NDUFA2: variants seen among roughly 807,000 people sequenced by gnomAD.
NDUFA2 encodes NADH:ubiquinone oxidoreductase subunit A2.
In NDUFA2, 9 loss-of-function variants were observed where a neutral mutation model predicts 11.4. The ratio of observed to expected loss-of-function variants is 0.79; its 90% CI spans 0.48 to 1.38. The LOEUF is 1.38. Among genes scored for constraint, NDUFA2 ranks in the 40% most tolerant of loss-of-function variants. NDUFA2 has a pLI of 0.00. For missense variants in NDUFA2, 150 were observed against 131.2 expected (o/e 1.14, Z -0.70); for synonymous variants, 49 against 54.0 (o/e 0.91, Z 0.41).
Position 140,647,254 on chromosome 5 carries a change from A to G in NDUFA2, c.208+2T>C. The G allele has an allele frequency of 6.5e-7, 1 of 1,542,292 alleles. No homozygotes were observed. Among genetic ancestry groups the G allele is most frequent in the Non-Finnish European group, 8.7e-7 (1 of 1,144,758 alleles). Reference sequence around the variant, plus strand: ...CCCAGACCCCTGGCGTCCCGCACTCACCGTAGCGGGCCCAGAGCTTGGGCT... The same window carrying G: ...CCCAGACCCCTGGCGTCCCGCACTCGCCGTAGCGGGCCCAGAGCTTGGGCT... On this transcript the variant is annotated splice_donor_variant, in intron 2 of 2. Transcript: ENST00000252102. LOFTEE classifies it high-confidence loss of function.
At chr5:140,646,077 C>A (rs1317134288) in intron 2 of NDUFA2, among the ~76,000 whole-genome samples, 1 of 148,004 alleles carries the variant, frequency 6.8e-6, no homozygotes, top group Non-Finnish European at 1.5e-5. Context: ...GTGGCACGAT[C>A]TCCACTCACT....
At chr5:140,645,815 G>A (rs1581473781) in intron 2 of NDUFA2, 137 bp from the exon 3 acceptor site, 10 of 1,418,194 alleles carry the variant, frequency 7.1e-6, no homozygotes, top group Middle Eastern at 1.9e-4. Flanking sequence ...AATACATTTG[G>A]TATGCCTAGA....
chr5:140,647,463 C>T lies in NDUFA2; in HGVS notation c.101+20G>A, dbSNP rs1451440034. On this transcript the variant is annotated intron_variant, in intron 1 of 2. Transcript: ENST00000252102. ...CCCTGGCGTCCCGAAGCCCGCCCGCCTCACCACGCCGCGCCTCACCTGACG... is the reference window on the plus strand; with the variant it reads ...CCCTGGCGTCCCGAAGCCCGCCCGCTTCACCACGCCGCGCCTCACCTGACG... 6.2e-7 allele frequency: 1 copy of T among 1,610,986 alleles called. No individual in the cohort carries two copies. Among genetic ancestry groups the T allele is most frequent in the African/African-American group, 1.3e-5 (1 of 74,926 alleles).
At chr5:140,647,050 C>T (rs902898745) in intron 2 of NDUFA2, 1 of 573,734 alleles carries the variant, frequency 1.7e-6, no homozygotes, top group Non-Finnish European at 2.9e-6. Flanking sequence ...AGGATTCGGT[C>T]AGCCTGCATA....
At chr5:140,646,160 GC>G (rs1757386516) in intron 2 of NDUFA2, among the ~76,000 whole-genome samples, 1 of 151,938 alleles carries the variant, frequency 6.6e-6, no homozygotes, top group African/African-American at 2.4e-5. Context: ...ACAGGTGCCC[GC>G]CACCACACCC....
chr5:140,647,404 G>A (rs757929497), intron 1 of NDUFA2, 42 bp from the exon 2 acceptor site: 2 of 1,610,740 alleles, frequency 1.2e-6, no homozygotes, highest in African/African-American at 1.3e-5. Context: ...GTGGGCGGGG[G>A]CTTCCCTCAA....
At chr5:140,647,402 G>T in intron 1 of NDUFA2, 40 bp from the exon 2 acceptor site, 1 of 1,611,058 alleles carries the variant, frequency 6.2e-7, no homozygotes, top group Middle Eastern at 1.7e-4. Context: ...CTGTGGGCGG[G>T]GGCTTCCCTC....
At position 140,645,547 on chromosome 5, in the gene NDUFA2, C is replaced by T; in HGVS notation, c.*40G>A. ...ACATTATACTAAGTCCAGCAGAGCC[C>T]AGGCTCTGGGGCTGTTGCTCTTAAT... On this transcript the variant is annotated 3_prime_UTR_variant, in exon 3 of 3. Coordinates refer to ENST00000252102, the MANE Select transcript of NDUFA2 (RefSeq NM_002488.5). 6.2e-7 allele frequency: 1 copy of T among 1,612,182 alleles called. No individual in the cohort carries two copies. The highest frequency in any genetic ancestry group is 8.5e-7 in the Non-Finnish European group (1 of 1,178,544).
At position 140,647,526 on chromosome 5, in the gene NDUFA2, G is replaced by A. The variant is rs777120962; in HGVS notation, c.58C>T (p.Arg20Cys). 1 of 1,612,470 alleles carries A rather than the reference G, an allele frequency of 6.2e-7. No individual in the cohort carries two copies. The highest frequency in any genetic ancestry group is 8.5e-7 in the Non-Finnish European group (1 of 1,180,034). The part of the protein sequence containing the change: ...VGAKLGLREI[R>C]IHLCQRSPGS... ...GGCGAGCGCTGACATAAGTGGATGC[G>A]AATCTCACGCAGGCCCAGCTTTGCC... Residue 20 changes from arginine to cysteine, a missense_variant, in exon 1 of 3, where the codon CGC becomes TGC. Arg to Cys is a radical substitution (Grantham distance 180). Transcript: ENST00000252102.
intron 2 of NDUFA2, 46 bp downstream of exon 2, chr5:140,647,210 C>A: frequency 1.3e-6 from 2 of 1,517,904 alleles, no homozygotes; most frequent in South Asian, 1.3e-5. Context: ...TTCTCAAACC[C>A]TTGTTCCCCT....
intron 2 of NDUFA2, among the ~76,000 whole-genome samples, chr5:140,646,798 T>C (rs1757429264): frequency 1.3e-5 from 2 of 152,098 alleles, no homozygotes; most frequent in Non-Finnish European, 2.9e-5. Flanking sequence ...TTTGATTCCG[T>C]TTTCTAATCT....
intron 2 of NDUFA2, among the ~76,000 whole-genome samples, chr5:140,646,056 G>A (rs1234897148): frequency 1.3e-5 from 2 of 149,076 alleles, no homozygotes; most frequent in Non-Finnish European, 3.0e-5. Context: ...TGTCACCCAG[G>A]CTGGAGTGTG....
intron 2 of NDUFA2, 105 bp downstream of exon 2, chr5:140,647,151 G>A: frequency 8.0e-7 from 1 of 1,244,936 alleles, no homozygotes; most frequent in Non-Finnish European, 1.1e-6. Flanking sequence ...TAAAGTCCGA[G>A]TTCTAGTTTC....
At chr5:140,646,697 G>A (rs1757420878) in intron 2 of NDUFA2, among the ~76,000 whole-genome samples, 1 of 152,130 alleles carries the variant, frequency 6.6e-6, no homozygotes, top group Admixed American at 6.5e-5. Context: ...GTGCATTCTA[G>A]GAAGGGGAAT....
chr5:140,645,360 T>A lies in NDUFA2; in HGVS notation c.*227A>T. 1 of 762,298 alleles carries A rather than the reference T, an allele frequency of 1.3e-6. No individual in the cohort carries two copies. The highest frequency in any genetic ancestry group is 2.0e-5 in the Admixed American group (1 of 49,662). The allele number at this position is 762,298 out of a possible 1,614,324, so 47.2% of individuals were successfully genotyped here. On this transcript the variant is annotated 3_prime_UTR_variant, in exon 3 of 3. Transcript: ENST00000252102. ...CACCCTTCATGTTTGCTTCAGCAGC[T>A]GGTAGCTTTTGATGAGACAGAATAA...
chr5:140,647,573 G>A lies in NDUFA2; in HGVS notation c.11C>T (p.Ala4Val). 6.2e-7 allele frequency: 1 copy of A among 1,610,222 alleles called. No homozygotes were observed. The change falls in exon 1 of 3, where the codon GCC becomes GTC. Residue 4 changes from alanine to valine, a missense_variant. By Grantham distance (64) the Ala-to-Val change is moderately conservative. Coordinates refer to ENST00000252102, the MANE Select transcript of NDUFA2 (RefSeq NM_002488.5). MAA[A>V]AASRGVGAKL... is the part of the protein sequence containing the mutation. Reference sequence around the variant, plus strand: ...TGCCCCGACTCCTCGACTTGCTGCGGCCGCCGCCATCCTTGTTAATATCGA... The same window carrying A: ...TGCCCCGACTCCTCGACTTGCTGCGACCGCCGCCATCCTTGTTAATATCGA...
rs1252918389 is a variant in NDUFA2 at position 140,645,317 on chromosome 5, G to A, written c.*270C>T. ...GTGGTCTACTTACTCTGGGGCCCTA[G>A]AATCCCTGCCCCCCCGCCACCCTTC... On this transcript the variant is annotated 3_prime_UTR_variant, in exon 3 of 3. Coordinates refer to ENST00000252102, the MANE Select transcript of NDUFA2 (RefSeq NM_002488.5). 9 of 722,426 alleles carry A rather than the reference G, an allele frequency of 1.2e-5. No individual in the cohort carries two copies. The highest frequency in any genetic ancestry group is 1.8e-5 in the African/African-American group (1 of 57,080). The allele number at this position is 722,426 out of a possible 1,614,324, so 44.8% of individuals were successfully genotyped here.
intron 2 of NDUFA2, among the ~76,000 whole-genome samples, chr5:140,646,160 G>A (rs866076099): frequency 3.3e-5 from 5 of 151,938 alleles, no homozygotes; most frequent in Admixed American, 1.3e-4. Context: ...ACAGGTGCCC[G>A]CCACCACACC....
chr5:140,647,409 CCTCAACTTCAGGGAGGT>C, intron 1 of NDUFA2, 47 bp from the exon 2 acceptor site: 1 of 1,610,882 alleles, frequency 6.2e-7, no homozygotes. Flanking sequence ...CGGGGGCTTC[CCTCAACTTCAGGGAGGT>C]CGAGGTCGTG....
Sources: gnomAD v4.1 joint callset for allele counts (sites outside exome capture counted in the v4.1 genomes callset) on GRCh38, gnomAD v4.1.1 for gene constraint, MANE v1.5 for transcripts, NCBI Gene and HGNC (gene_info 2026-07-23, HGNC 2026-07-21) for gene names.